The following CDC45 variants were observed in gnomAD, a reference collection of about 807,000 sequenced individuals.
CDC45 encodes the protein cell division cycle 45, also known as cell division control protein 45 homolog.
A neutral mutation model predicts 77.8 loss-of-function variants in CDC45; 54 were observed. The ratio of observed to expected loss-of-function variants is 0.69; its 90% CI spans 0.56 to 0.87. CDC45 has a LOEUF of 0.87. CDC45 is among the 40% of genes least tolerant of loss of function. CDC45 has a pLI of 0.00. For missense variants in CDC45, 649 were observed against 721.6 expected, an observed-to-expected ratio of 0.90 and a Z score of 1.15; for synonymous variants, 260 against 272.1, an observed-to-expected ratio of 0.96 and a Z score of 0.44.
intron 5 of CDC45, 78 bp downstream of exon 5, chr22:19,484,083 G>A: frequency 7.0e-7 from 1 of 1,422,346 alleles, no homozygotes; most frequent in Non-Finnish European, 9.5e-7. Flanking sequence ...AGCCTGCCAG[G>A]CCAAGGTGTA....
intron 5 of CDC45, among the ~76,000 whole-genome samples, chr22:19,492,547 T>C (rs2090169309): frequency 6.6e-6 from 1 of 152,210 alleles, no homozygotes; most frequent in Non-Finnish European, 1.5e-5. Context: ...ATTTTTATGA[T>C]GGCTGCTTTA....
At chr22:19,497,984 A>G (rs955547473) in intron 8 of CDC45, among the ~76,000 whole-genome samples, 4 of 151,106 alleles carry the variant, frequency 2.6e-5, no homozygotes, top group African/African-American at 7.3e-5. Context: ...CCTGGCCAAC[A>G]TGGTAAAACC....
chr22:19,485,187 G>T (rs1038493064), intron 5 of CDC45, among the ~76,000 whole-genome samples: 1 of 152,150 alleles, frequency 6.6e-6, no homozygotes, highest in Non-Finnish European at 1.5e-5. Flanking sequence ...CCAAATGTCA[G>T]TATCCAATGG....
intron 6 of CDC45, among the ~76,000 whole-genome samples, chr22:19,495,606 C>G (rs772194454): frequency 4.6e-5 from 7 of 152,158 alleles, no homozygotes; most frequent in Non-Finnish European, 2.9e-5. Context: ...CTGCTTGAGC[C>G]CAGGAGTTTG....
Position 19,516,568 on chromosome 22 carries a change from T to C in CDC45, c.1482T>C (p.Ala494=). The change falls in exon 16 of 19, where the codon GCT becomes GCC. Residue 494 remains alanine (A), a synonymous_variant. Transcript: ENST00000263201. Reference sequence around the variant, plus strand: ...GCAAACTGCTGCCCCTGGTGATGGCTGCCCCCCTGAGCATGGAGCATGGCA... The same window carrying C: ...GCAAACTGCTGCCCCTGGTGATGGCCGCCCCCCTGAGCATGGAGCATGGCA... ...RRCKLLPLVM[A]APLSMEHGTV... 6.2e-7 allele frequency: 1 copy of C among 1,614,012 alleles called. No individual in the cohort carries two copies. Among genetic ancestry groups the C allele is most frequent in the South Asian group, 1.1e-5 (1 of 91,080 alleles).
At chr22:19,482,538 C>T (rs2089999201) in intron 3 of CDC45, 152 bp from the exon 4 acceptor site, 1 of 739,420 alleles carries the variant, frequency 1.4e-6, no homozygotes, top group Non-Finnish European at 2.1e-6. Flanking sequence ...CTTAGCATGC[C>T]AGCCTGGCCA....
chr22:19,492,950 C>G (rs1433100725), intron 5 of CDC45, among the ~76,000 whole-genome samples: 1 of 152,182 alleles, frequency 6.6e-6, no homozygotes, highest in African/African-American at 2.4e-5. Context: ...CATTGGTTCT[C>G]CCACCCAGAG....
intron 15 of CDC45, among the ~76,000 whole-genome samples, chr22:19,516,059 G>C (rs574470222): frequency 2.6e-5 from 4 of 152,070 alleles, no homozygotes; most frequent in Non-Finnish European, 5.9e-5. Context: ...GCGTGCCGGC[G>C]GGGGGGACGA....
intron 3 of CDC45, among the ~76,000 whole-genome samples, chr22:19,481,826 C>T (rs774419309): frequency 6.6e-5 from 10 of 152,104 alleles, no homozygotes; most frequent in Non-Finnish European, 1.5e-4. Flanking sequence ...TGCCCACCAC[C>T]ACGCCTGGCT....
rs1391420064 is a variant in CDC45, at chr22:19,494,571, A to G, written c.542+189A>G. On this transcript the variant is annotated intron_variant, in intron 6 of 18. Coordinates refer to ENST00000263201, the MANE Select transcript of CDC45 (RefSeq NM_003504.5). ...GAGCTCCAGGTTGTTCGCCGGTCCCATGAGTGACAGGACAGCCCCAAGGTC... is the reference window on the plus strand; with the variant it reads ...GAGCTCCAGGTTGTTCGCCGGTCCCGTGAGTGACAGGACAGCCCCAAGGTC... 3.9e-6 allele frequency: 6 copies of G among 1,548,844 alleles called. No homozygotes were observed. In the Admixed American group the frequency reaches 7.8e-5, roughly 20 times the overall value.
chr22:19,502,506 A>T (rs1405457067), intron 9 of CDC45, among the ~76,000 whole-genome samples: 1 of 152,224 alleles, frequency 6.6e-6, no homozygotes, highest in Non-Finnish European at 1.5e-5. Flanking sequence ...TTTAACCCAC[A>T]TACACACACA....
In CDC45 at chr22:19,516,846, C is replaced by T. The variant is rs371548501; in HGVS notation, c.1589C>T (p.Ala530Val). ...NFFGRAFEKA[A>V]ESTSSRMLHN... ...TTTGGGAGGGCGTTTGAGAAGGCAG[C>T]GGAAAGCACCAGCTCCCGGATGCTG... Residue 530 changes from alanine to valine, a missense_variant, in exon 17 of 19, where the codon GCG becomes GTG. By Grantham distance (64) the Ala-to-Val change is moderately conservative. Coordinates refer to ENST00000263201, the MANE Select transcript of CDC45 (RefSeq NM_003504.5). 2.5e-6 allele frequency: 4 copies of T among 1,613,986 alleles called. No individual in the cohort carries two copies. Among genetic ancestry groups the T allele is most frequent in the East Asian group, 2.2e-5 (1 of 44,894 alleles).
At chr22:19,481,076 C>T in intron 3 of CDC45, 31 bp downstream of exon 3, 1 of 1,397,812 alleles carries the variant, frequency 7.2e-7, no homozygotes, top group Non-Finnish European at 1.0e-6. Context: ...AATAACGTGG[C>T]TTTTTACTCA....
chr22:19,480,320 A>T, intron 2 of CDC45, 103 bp downstream of exon 2: 1 of 1,027,120 alleles, frequency 9.7e-7, no homozygotes, highest in Non-Finnish European at 1.5e-6. Flanking sequence ...CTGAGGGCTT[A>T]GGGTGGGAGA....
chr22:19,504,016 G>T (rs1209481176), intron 9 of CDC45, among the ~76,000 whole-genome samples: 1 of 152,232 alleles, frequency 6.6e-6, no homozygotes, highest in Admixed American at 6.5e-5. Context: ...GTGGCCGCTT[G>T]GGCTTTGGGC....
chr22:19,518,176 A>G (rs1933906271), intron 17 of CDC45, among the ~76,000 whole-genome samples: 1 of 152,206 alleles, frequency 6.6e-6, no homozygotes, highest in African/African-American at 2.4e-5. Flanking sequence ...GTATACAGGG[A>G]GGACTCGGGC....
At chr22:19,481,172 G>A in intron 3 of CDC45, 127 bp downstream of exon 3, 1 of 594,950 alleles carries the variant, frequency 1.7e-6, no homozygotes, top group Non-Finnish European at 2.9e-6. Flanking sequence ...ATATGGAAGA[G>A]AAAAACATGC....
At chr22:19,487,695 C>T (rs1275124476) in intron 5 of CDC45, among the ~76,000 whole-genome samples, 2 of 151,674 alleles carry the variant, frequency 1.3e-5, no homozygotes, top group African/African-American at 2.4e-5. Context: ...GGGTGGATCA[C>T]GAGGTCAGGA....
At chr22:19,506,933 C>CA (rs397816446) in intron 10 of CDC45, among the ~76,000 whole-genome samples, 7,303 of 121,322 alleles carry the variant, frequency 0.06, 230 homozygotes, top group Non-Finnish European at 0.084. Flanking sequence ...GACTCCGTCT[C>CA]AAAAAAAAAA....
Sources: gnomAD v4.1 joint callset for allele counts (sites outside exome capture counted in the v4.1 genomes callset) on GRCh38, gnomAD v4.1.1 for gene constraint, MANE v1.5 for transcripts, NCBI Gene and HGNC (gene_info 2026-07-23, HGNC 2026-07-21) for gene names.